PRIM2: variants seen among roughly 807,000 people sequenced by gnomAD.
PRIM2 encodes DNA primase large subunit.
A neutral mutation model predicts 67.3 loss-of-function variants in PRIM2; 39 were observed. The ratio of observed to expected loss-of-function variants is 0.58; its 90% CI spans 0.45 to 0.76. The LOEUF (loss-of-function observed/expected upper bound fraction) is 0.76, where lower values mean the gene tolerates loss of function less well. PRIM2 is among the 30% of genes least tolerant of loss of function. PRIM2 has a pLI of 0.00. For missense variants in PRIM2, 398 were observed against 598.7 expected, an observed-to-expected ratio of 0.66 and a Z score of 3.50; for synonymous variants, 143 against 198.7, an observed-to-expected ratio of 0.72 and a Z score of 2.36.
chr6:57,577,880 A>G (rs1435914796), intron 10 of PRIM2, among the ~76,000 whole-genome samples: 1 of 152,246 alleles, frequency 6.6e-6, no homozygotes, highest in East Asian at 1.9e-4. Context: ...TAACATTGGT[A>G]CAATACTGTA....
At chr6:57,311,723 C>T (rs1484102594), upstream of PRIM2, among the ~76,000 whole-genome samples, 8 of 152,074 alleles carry the variant, frequency 5.3e-5, no homozygotes, top group Non-Finnish European at 1.0e-4. Context: ...AGCCACTGCA[C>T]TCCAGCCTGG....
chr6:57,235,057 G>T, the PRIM2 span, among the ~76,000 whole-genome samples: 1 of 151,878 alleles, frequency 6.6e-6, no homozygotes, highest in African/African-American at 2.4e-5. Context: ...AGGCTGAGGT[G>T]GGAGGGTCAC....
chr6:57,454,292 C>G (rs963503278), intron 7 of PRIM2, among the ~76,000 whole-genome samples: 1 of 152,168 alleles, frequency 6.6e-6, no homozygotes, highest in African/African-American at 2.4e-5. Flanking sequence ...GAGGATGATG[C>G]TGGCCTCATA....
At chr6:57,497,499 A>G (rs1463444298) in intron 7 of PRIM2, 5 of 152,134 alleles carry the variant, frequency 3.3e-5, no homozygotes, top group African/African-American at 1.2e-4. Flanking sequence ...TGCTTGCACT[A>G]TTCCCAGGTT....
chr6:57,497,032 T>C (rs1323865857), intron 7 of PRIM2, among the ~76,000 whole-genome samples: 2 of 152,168 alleles, frequency 1.3e-5, no homozygotes, highest in African/African-American at 4.8e-5. Flanking sequence ...GGGCTAACTA[T>C]ACTAAGGAAT....
In PRIM2 at chr6:57,611,071, A is replaced by G. The variant is rs1157906621; in HGVS notation, c.1230+4614A>G. 2.5e-3 allele frequency among the ~76,000 whole-genome samples: 378 copies of G among 152,346 alleles called. 2 individuals carry two copies. Among genetic ancestry groups the G allele is most frequent in the Non-Finnish European group, 4.4e-3 (297 of 68,026 alleles). ...TTTTTCTATTCTCAAAGTGATTATC[A>G]ATGTAAAAAATCTCAAAGAACCTAG... is the stretch of plus-strand genomic sequence containing the variant. On this transcript the variant is annotated intron_variant, in intron 12 of 13. Transcript: ENST00000615550.
At chr6:57,249,419 GT>G in the PRIM2 span, among the ~76,000 whole-genome samples, 2 of 152,122 alleles carry the variant, frequency 1.3e-5, no homozygotes, top group South Asian at 2.1e-4. Flanking sequence ...GCCAAGAGGG[GT>G]TATAGGTTAT....
chr6:57,490,308 TC>T (rs1773859865), intron 7 of PRIM2, among the ~76,000 whole-genome samples: 2 of 152,182 alleles, frequency 1.3e-5, no homozygotes, highest in Admixed American at 1.3e-4. Flanking sequence ...CAGTGGCTCA[TC>T]CCCTTCATCC....
At chr6:57,473,309 A>G (rs1773381676) in intron 7 of PRIM2, among the ~76,000 whole-genome samples, 1 of 152,222 alleles carries the variant, frequency 6.6e-6, no homozygotes, top group Non-Finnish European at 1.5e-5. Context: ...CAAAGCATTA[A>G]TCAAAAAGTA....
intron 7 of PRIM2, among the ~76,000 whole-genome samples, chr6:57,502,782 C>A (rs1554346991): frequency 6.6e-6 from 1 of 152,196 alleles, no homozygotes; most frequent in Non-Finnish European, 1.5e-5. Flanking sequence ...TGAACCTCAT[C>A]CTTTTTCAGT....
At chr6:57,618,291 A>G (rs1224222528) in intron 12 of PRIM2, among the ~76,000 whole-genome samples, 2 of 152,220 alleles carry the variant, frequency 1.3e-5, no homozygotes, top group South Asian at 4.1e-4. Flanking sequence ...TAGAACTTTG[A>G]TACGGATTGC....
intron 10 of PRIM2, among the ~76,000 whole-genome samples, chr6:57,579,762 G>A (rs1336001090): frequency 1.3e-5 from 2 of 152,106 alleles, no homozygotes; most frequent in African/African-American, 4.8e-5. Flanking sequence ...TATTTAAGTT[G>A]TCCTGACACA....
chr6:57,380,653 T>C (rs1263290761), intron 6 of PRIM2, among the ~76,000 whole-genome samples: 2 of 152,006 alleles, frequency 1.3e-5, no homozygotes, highest in African/African-American at 4.8e-5. Flanking sequence ...TGCTAATTAT[T>C]ATGAGTGAGT....
At chr6:57,247,856 T>C in the PRIM2 span, among the ~76,000 whole-genome samples, 1 of 152,160 alleles carries the variant, frequency 6.6e-6, no homozygotes. Flanking sequence ...CTGGATACAT[T>C]TGTAGCCCTG....
the PRIM2 span, among the ~76,000 whole-genome samples, chr6:57,245,150 C>T: frequency 2.0e-5 from 3 of 152,162 alleles, no homozygotes; most frequent in East Asian, 5.8e-4. Flanking sequence ...CAGGCCTACC[C>T]ACCTTGGAGC....
At chr6:57,533,736 G>A (rs1774939394) in intron 9 of PRIM2, among the ~76,000 whole-genome samples, 2 of 152,332 alleles carry the variant, frequency 1.3e-5, no homozygotes, top group South Asian at 4.1e-4. Flanking sequence ...ATTGGATACT[G>A]TTGGAGTTCA....
chr6:57,629,503 G>A (rs1777008032), intron 12 of PRIM2, among the ~76,000 whole-genome samples: 1 of 152,086 alleles, frequency 6.6e-6, no homozygotes, highest in African/African-American at 2.4e-5. Context: ...AGACATTGGA[G>A]GACAGGTTCC....
chr6:57,632,225 A>G, intron 13 of PRIM2, 24 bp downstream of exon 13: 2 of 1,314,880 alleles, frequency 1.5e-6, no homozygotes, highest in Non-Finnish European at 2.0e-6. Context: ...TTAACTTTAT[A>G]TCCTAATTAT....
chr6:57,272,461 T>A, the PRIM2 span, among the ~76,000 whole-genome samples: 3 of 152,208 alleles, frequency 2.0e-5, no homozygotes, highest in African/African-American at 7.2e-5. Context: ...CTGCCTTTTT[T>A]TGTTTTCCAT....
Sources: gnomAD v4.1 joint callset for allele counts (sites outside exome capture counted in the v4.1 genomes callset) on GRCh38, gnomAD v4.1.1 for gene constraint, MANE v1.5 for transcripts, NCBI Gene and HGNC (gene_info 2026-07-23, HGNC 2026-07-21) for gene names.